Variants in TAF15 observed in about 807,000 individuals in gnomAD.
TAF15 encodes the protein TATA-binding protein-associated factor 2N.
A neutral mutation model predicts 102.5 loss-of-function variants in TAF15; 37 were observed. The ratio of observed to expected loss-of-function variants is 0.36; its 90% CI spans 0.28 to 0.47. The LOEUF is 0.47. Ranked by LOEUF, TAF15 falls within the 20% of genes least tolerant of loss-of-function variation. The pLI, the probability that TAF15 is intolerant of heterozygous loss-of-function variation, is 0.99. For synonymous variants in TAF15, 273 were observed against 259.2 expected (o/e 1.05, Z -0.51); for missense variants, 652 against 760.7 (o/e 0.86, Z 1.68).
At chr17:35,827,900 C>A (rs1184644590) in intron 7 of TAF15, among the ~76,000 whole-genome samples, 2 of 152,008 alleles carry the variant, frequency 1.3e-5, no homozygotes, top group Admixed American at 6.6e-5. Context: ...GAAACTTAAT[C>A]TTTTTCTTTG....
intron 8 of TAF15, 81 bp from the exon 9 acceptor site, chr17:35,834,485 C>T: frequency 2.2e-6 from 3 of 1,376,978 alleles, no homozygotes; most frequent in South Asian, 2.5e-5. Context: ...CTTTTCATGC[C>T]TTGGTTTATT....
intron 1 of TAF15, chr17:35,816,844 G>A (rs1387283737): frequency 2.6e-4 from 1 of 3,830 alleles, no homozygotes; most frequent in Admixed American, 1.9e-3. Flanking sequence ...TTTTTTTTTT[G>A]AGAAGTGTCA....
intron 1 of TAF15, 172 bp downstream of exon 1, chr17:35,809,748 C>G (rs2087102534): frequency 2.4e-6 from 2 of 827,636 alleles, no homozygotes; most frequent in Non-Finnish European, 3.9e-6. Context: ...CGCACGCTCC[C>G]AATGGCTCCC....
In TAF15 at chr17:35,822,908, C is replaced by T. The variant is rs1053750884; in HGVS notation, c.484+75C>T. ...TGTATGAATTTCTGATTAAAAGAAC[C>T]ACAGAGGATTTCACCTGTTTGTAAA... is the stretch of plus-strand genomic sequence containing the variant. On this transcript the variant is annotated intron_variant, in intron 6 of 15. Transcript: ENST00000605844. 3.8e-6 allele frequency: 6 copies of T among 1,560,528 alleles called. No homozygotes were observed. The Admixed American group carries it at 6.7e-5, about 17-fold the overall frequency.
chr17:35,819,268 T>TA (rs959069822), intron 2 of TAF15, among the ~76,000 whole-genome samples: 3 of 152,242 alleles, frequency 2.0e-5, no homozygotes, highest in Non-Finnish European at 2.9e-5. Context: ...TTTAAAATGA[T>TA]AAAAAATTTT....
At chr17:35,812,058 G>A (rs1194731693) in intron 1 of TAF15, among the ~76,000 whole-genome samples, 1 of 152,108 alleles carries the variant, frequency 6.6e-6, no homozygotes, top group Non-Finnish European at 1.5e-5. Flanking sequence ...GTAGGGACCA[G>A]AGATAAAACG....
At chr17:35,834,646 T>G (rs779419635) in intron 9 of TAF15, 48 bp downstream of exon 9, 5 of 1,585,320 alleles carry the variant, frequency 3.2e-6, no homozygotes, top group Middle Eastern at 3.3e-4. Context: ...AAATGTTAGT[T>G]TTTTTTTTGA....
intron 12 of TAF15, among the ~76,000 whole-genome samples, chr17:35,843,676 T>C (rs2087574673): frequency 6.6e-6 from 1 of 152,168 alleles, no homozygotes; most frequent in Non-Finnish European, 1.5e-5. Context: ...GAAATGGTCA[T>C]GGTCATTGAA....
chr17:35,826,360 C>T (rs752112035), intron 7 of TAF15, among the ~76,000 whole-genome samples: 4 of 152,024 alleles, frequency 2.6e-5, no homozygotes, highest in Non-Finnish European at 4.4e-5. Flanking sequence ...GCCGATTACT[C>T]TTTATATTGA....
intron 7 of TAF15, among the ~76,000 whole-genome samples, chr17:35,829,406 G>A (rs1390305674): frequency 6.6e-6 from 1 of 151,084 alleles, no homozygotes; most frequent in African/African-American, 2.4e-5. Context: ...GCCGAGACGG[G>A]TGGATCACGA....
chr17:35,845,493 C>T (rs185420253), intron 15 of TAF15, among the ~76,000 whole-genome samples: 2 of 152,244 alleles, frequency 1.3e-5, no homozygotes, highest in East Asian at 3.9e-4. Flanking sequence ...TGGCCTCAAG[C>T]ATTCCTCCTG....
At chr17:35,829,670 C>G (rs1156686663) in intron 7 of TAF15, among the ~76,000 whole-genome samples, 2 of 147,092 alleles carry the variant, frequency 1.4e-5, no homozygotes, top group Non-Finnish European at 3.0e-5. Context: ...AGAGAGAGAC[C>G]TGGAGTAGAG....
intron 10 of TAF15, among the ~76,000 whole-genome samples, chr17:35,837,333 T>A (rs2087488151): frequency 6.6e-6 from 1 of 151,310 alleles, no homozygotes; most frequent in Non-Finnish European, 1.5e-5. Flanking sequence ...AAATTTTTTT[T>A]TTTAGAGATG....
At chr17:35,846,580 C>A (rs913092204) in intron 15 of TAF15, among the ~76,000 whole-genome samples, 1 of 152,158 alleles carries the variant, frequency 6.6e-6, no homozygotes, top group African/African-American at 2.4e-5. Flanking sequence ...CATGTAAGTG[C>A]TTGCTCATTC....
intron 1 of TAF15, chr17:35,817,311 T>C: frequency 1.0e-5 from 2 of 200,198 alleles, no homozygotes; most frequent in Non-Finnish European, 2.0e-5. Flanking sequence ...GTGTATATCT[T>C]GGGGTGGTAA....
At position 35,844,101 on chromosome 17, in the gene TAF15, G is replaced by A. The variant is rs775409107; in HGVS notation, c.1031G>A (p.Gly344Glu). The A allele has an allele frequency of 6.2e-7, 1 of 1,614,172 alleles. No individual in the cohort carries two copies. The highest frequency in any genetic ancestry group is 8.5e-7 in the Non-Finnish European group (1 of 1,180,028). The part of the protein sequence containing the change: ...RRGRGGYRGR[G>E]GFQGRGGDPK... ...GGCCGTGGAGGATATAGAGGTCGTG[G>A]AGGCTTTCAAGGGAGAGGTGGAGAC... The change falls in exon 13 of 16, where the codon GGA becomes GAA. Residue 344 changes from glycine to glutamate, a missense_variant. This residue lies in a region of TAF15 where 368 missense variants were observed against 367.5 expected (regional missense o/e 1.00). Transcript: ENST00000605844.
At chr17:35,833,517 A>G (rs2087432626) in intron 7 of TAF15, 2 of 165,036 alleles carry the variant, frequency 1.2e-5, no homozygotes, top group African/African-American at 2.6e-5. Flanking sequence ...CTTGCTTTGT[A>G]TTCTTCTAGT....
At chr17:35,817,208 A>C (rs898900453) in intron 1 of TAF15, 2 of 152,258 alleles carry the variant, frequency 1.3e-5, no homozygotes, top group Non-Finnish European at 2.9e-5. Flanking sequence ...AGAATAGAGC[A>C]ACTAACTTAG....
In TAF15 at chr17:35,844,136, G is replaced by A. The variant is rs2087580613; in HGVS notation, c.1066G>A (p.Gly356Arg). Residue 356 changes from glycine to arginine, a missense_variant, in exon 13 of 16, where the codon GGG becomes AGG. Gly to Arg is a moderately radical substitution (Grantham distance 125). Coordinates refer to ENST00000605844, the MANE Select transcript of TAF15 (RefSeq NM_139215.3). ...AGGGAGAGGTGGAGACCCCAAAAGT[G>A]GGGATTGGGTTTGCCCTAATCCGTA... is the stretch of plus-strand genomic sequence containing the variant. ...FQGRGGDPKS[G>R]DWVCPNPSCG... is the part of the protein sequence containing the mutation. 1 of 1,614,116 alleles carries A rather than the reference G, an allele frequency of 6.2e-7. No individual in the cohort carries two copies. Among genetic ancestry groups the A allele is most frequent in the Non-Finnish European group, 8.5e-7 (1 of 1,180,016 alleles).
Sources: gnomAD v4.1 joint callset for allele counts (sites outside exome capture counted in the v4.1 genomes callset) on GRCh38, gnomAD v4.1.1 for gene constraint, gnomAD v4.1.1 regional missense constraint, MANE v1.5 for transcripts, NCBI Gene and HGNC (gene_info 2026-07-23, HGNC 2026-07-21) for gene names.